Variants in FLG2 observed in about 807,000 individuals in gnomAD.
The protein encoded by FLG2 is filaggrin 2.
A neutral mutation model predicts 3.9 loss-of-function variants in FLG2; 7 were observed. The observed-to-expected ratio is 1.79, with a 90% CI of 1.02 to 3.36. The LOEUF (loss-of-function observed/expected upper bound fraction) is 3.36, where lower values mean the gene tolerates loss of function less well. Ranked by LOEUF, FLG2 falls within the 30% of genes most tolerant of loss-of-function variation. FLG2 has a pLI of 0.00. For synonymous variants in FLG2, 1,031 were observed against 1,056.1 expected, an observed-to-expected ratio of 0.98 and a Z score of 0.46; for missense variants, 2,700 against 2,809.4, an observed-to-expected ratio of 0.96 and a Z score of 0.88.
rs868110013 is a variant in FLG2, at chr1:152,354,893, C to A, written c.2893G>T (p.Gly965Ter). The A allele has an allele frequency of 6.2e-7, 1 of 1,613,768 alleles. No individual in the cohort carries two copies. The change falls in exon 3 of 3, where the codon GGA becomes TGA. Residue 965 changes from glycine (G) to a stop codon, truncating the protein, a stop_gained. Transcript: ENST00000388718. LOFTEE classifies it low-confidence loss of function (END_TRUNC). Reference sequence around the variant, plus strand: ...CCAGAGGACTGACCTGAGCCTGATCCATGTTGGCCAAAGCCAGAGGATTGA... The same window carrying A: ...CCAGAGGACTGACCTGAGCCTGATCAATGTTGGCCAAAGCCAGAGGATTGA... Reference protein sequence around the residue: ...SGQSSGFGQHGSGSGQSSGFG... With the variant: ...SGQSSGFGQH
rs749523871 is a variant in FLG2 at position 152,353,633 on chromosome 1, G to A, written c.4153C>T (p.His1385Tyr). Residue 1385 changes from histidine to tyrosine, a missense_variant, in exon 3 of 3, where the codon CAT becomes TAT. By Grantham distance (83) the His-to-Tyr change is moderately conservative (BLOSUM62 2). Transcript: ENST00000388718. Reference protein sequence around the residue: ...SQHGESESTVHERHETTYGQT... With the variant: ...SQHGESESTVYERHETTYGQT... ...CCATAAGTAGTTTCATGTCTCTCAT[G>A]AACTGTGGATTCTGACTCTCCATGT... 1.2e-6 allele frequency: 2 copies of A among 1,613,898 alleles called. No individual in the cohort carries two copies. The highest frequency in any genetic ancestry group is 8.5e-7 in the Non-Finnish European group (1 of 1,180,018).
rs1335017206 is a variant in FLG2 at position 152,359,980 on chromosome 1, G to A, written c.-47C>T. 6.6e-6 allele frequency: 1 copy of A among 152,174 alleles called. No individual in the cohort carries two copies. The highest frequency in any genetic ancestry group is 1.5e-5 in the Non-Finnish European group (1 of 68,036). The allele number at this position is 152,174 out of a possible 1,614,324, so 9.4% of individuals were successfully genotyped here. A position where few individuals can be genotyped will look rare whatever the true frequency, so the allele number is the denominator to read the frequency against. On this transcript the variant is annotated 5_prime_UTR_variant, in exon 1 of 3. Coordinates refer to ENST00000388718, the MANE Select transcript of FLG2 (RefSeq NM_001014342.3). ...CCTGGTTCACCAAAGGAACAAGTAG[G>A]ATAAAGCCTGATGCAGCTTGCAGGG...
rs2101676785 is a variant in FLG2 at position 152,352,829 on chromosome 1, G to T, written c.4957C>A (p.His1653Asn). ...ACTTCACTGTCACTGGACTCACTGTGGCTAGATCTCTGTCTTCCAGTTGTC... is the reference window on the plus strand; with the variant it reads ...ACTTCACTGTCACTGGACTCACTGTTGCTAGATCTCTGTCTTCCAGTTGTC... ...SRTTGRQRSS[H>N]SESSDSEVHS... The change falls in exon 3 of 3, where the codon CAC (histidine) becomes AAC (asparagine). Residue 1653 changes from histidine (H) to asparagine (N), a missense_variant. Transcript: ENST00000388718. 3 of 1,613,786 alleles carry T rather than the reference G, an allele frequency of 1.9e-6. No individual in the cohort carries two copies. Among genetic ancestry groups the T allele is most frequent in the East Asian group, 4.5e-5 (2 of 44,826 alleles).
chr1:152,353,383 G>A lies in FLG2; in HGVS notation c.4403C>T (p.Thr1468Ile), dbSNP rs762874040. 22 of 1,613,080 alleles carry A rather than the reference G, an allele frequency of 1.4e-5. No homozygotes were observed. The Admixed American group carries it at 2.2e-4, about 16-fold the overall frequency. Residue 1468 changes from threonine to isoleucine, a missense_variant, in exon 3 of 3, where the codon ACT (threonine) becomes ATT (isoleucine). Coordinates refer to ENST00000388718, the MANE Select transcript of FLG2 (RefSeq NM_001014342.3). ...GSTVHGRHGT[T>I]HGQTGDTTRH... Reference sequence around the variant, plus strand: ...AGTGGTATCTCCTGTCTGTCCATGAGTAGTTCCGTGTCTCCCATGAACTGT... The same window carrying A: ...AGTGGTATCTCCTGTCTGTCCATGAATAGTTCCGTGTCTCCCATGAACTGT...
At position 152,355,318 on chromosome 1, in the gene FLG2, T is replaced by C. The variant is rs1654167904; in HGVS notation, c.2468A>G (p.His823Arg). ...AGAGGATTGTCCTGAGCCAGACCCATGTTGTCCAAAGCCAGCGGACTGACC... is the reference window on the plus strand; with the variant it reads ...AGAGGATTGTCCTGAGCCAGACCCACGTTGTCCAAAGCCAGCGGACTGACC... ...GSGQSAGFGQ[H>R]GSGSGQSSGF... is the part of the protein sequence containing the mutation. The change falls in exon 3 of 3, where the codon CAT becomes CGT. Residue 823 changes from histidine (H) to arginine (R), a missense_variant. His to Arg is a conservative substitution (Grantham distance 29). Coordinates refer to ENST00000388718, the MANE Select transcript of FLG2 (RefSeq NM_001014342.3). 6.2e-7 allele frequency: 1 copy of C among 1,613,840 alleles called. No homozygotes were observed. The highest frequency in any genetic ancestry group is 8.5e-7 in the Non-Finnish European group (1 of 1,179,872).
At chr1:152,358,025 CTTTT>C (rs5777805) in intron 2 of FLG2, among the ~76,000 whole-genome samples, 1 of 144,566 alleles carries the variant, frequency 6.9e-6, no homozygotes, top group Non-Finnish European at 1.5e-5. Flanking sequence ...ATAACTGAGT[CTTTT>C]TTTTTTTTTT....
rs1192001947 is a variant in FLG2 at position 152,349,701 on chromosome 1, C to A, written c.*909G>T. 1 of 152,586 alleles carries A rather than the reference C, an allele frequency of 6.6e-6. No homozygotes were observed. Among genetic ancestry groups the A allele is most frequent in the African/African-American group, 2.4e-5 (1 of 41,448 alleles). The allele number at this position is 152,586 out of a possible 1,614,324, so 9.5% of individuals were successfully genotyped here. On this transcript the variant is annotated 3_prime_UTR_variant, in exon 3 of 3. Transcript: ENST00000388718. ...AAGTAATAACTCCTTTGTTCTTGGA[C>A]ATATTCATAGAGTGGGGTGTTGCTA...
chr1:152,350,389 G>T lies in FLG2; in HGVS notation c.*221C>A. 1 of 604,776 alleles carries T rather than the reference G, an allele frequency of 1.7e-6. No homozygotes were observed. The highest frequency in any genetic ancestry group is 2.8e-6 in the Non-Finnish European group (1 of 354,154). The allele number at this position is 604,776 out of a possible 1,614,324, so 37.5% of individuals were successfully genotyped here. ...ATGTGTACATCCCTCCCTTCTGGCT[G>T]TGTTATATCCAGGTTGAACATAGGT... is the stretch of plus-strand genomic sequence containing the variant. On this transcript the variant is annotated 3_prime_UTR_variant, in exon 3 of 3. Transcript: ENST00000388718.
chr1:152,352,803 C>G lies in FLG2; in HGVS notation c.4983G>C (p.Val1661=). 1 of 1,613,948 alleles carries G rather than the reference C, an allele frequency of 6.2e-7. No individual in the cohort carries two copies. The highest frequency in any genetic ancestry group is 1.1e-5 in the South Asian group (1 of 91,076). Residue 1661 remains valine, a synonymous_variant, in exon 3 of 3, where the codon GTG becomes GTC. Coordinates refer to ENST00000388718, the MANE Select transcript of FLG2 (RefSeq NM_001014342.3). ...SSHSESSDSE[V]HSGVSHTHTG... ...TATGTGTGTGTGAGACCCCTGAGTG[C>G]ACTTCACTGTCACTGGACTCACTGT...
intron 1 of FLG2, among the ~76,000 whole-genome samples, 184 bp downstream of exon 1, chr1:152,359,772 G>T (rs746712857): frequency 2.0e-5 from 3 of 151,818 alleles, no homozygotes; most frequent in Non-Finnish European, 4.4e-5. Flanking sequence ...CTACAAAAAG[G>T]CCCCAGAATA....
In FLG2 at chr1:152,356,480, A is replaced by T. The variant is rs200016086; in HGVS notation, c.1306T>A (p.Leu436Met). 3.0e-5 allele frequency: 48 copies of T among 1,614,268 alleles called. No individual in the cohort carries two copies. In the East Asian group the frequency reaches 8.2e-4, roughly 28 times the overall value. Residue 436 changes from leucine (L) to methionine (M), a missense_variant, in exon 3 of 3, where the codon TTG becomes ATG. By Grantham distance (15) the Leu-to-Met change is conservative. Transcript: ENST00000388718. ...STSFEQHGTG[L>M]SQSSGFEQHV... ...TGTTCGAACCCAGAGGACTGACTCA[A>T]GCCTGTTCCATGTTGTTCAAAGCTA... is the stretch of plus-strand genomic sequence containing the variant.
Position 152,356,744 on chromosome 1 carries a change from G to GACT in FLG2, c.1039_1041dup (p.Ser347dup). On this transcript the variant is annotated inframe_insertion, in exon 3 of 3. Coordinates refer to ENST00000388718, the MANE Select transcript of FLG2 (RefSeq NM_001014342.3). ...CCATATCCTCTCTGACTATAGGACT[G>GACT]ACTACAGGGGTTAGACTCAGGTTGA... 6.2e-7 allele frequency: 1 copy of GACT among 1,614,126 alleles called. No homozygotes were observed. The highest frequency in any genetic ancestry group is 8.5e-7 in the Non-Finnish European group (1 of 1,180,028).
rs768648431 is a variant in FLG2 at position 152,357,164 on chromosome 1, T to C, written c.622A>G (p.Ile208Val). 5.0e-6 allele frequency: 8 copies of C among 1,614,228 alleles called. No individual in the cohort carries two copies. The South Asian group carries it at 6.6e-5, about 13-fold the overall frequency. ...GSSSVELRERINKSHISPSRE... is the reference protein window; with the variant it reads ...GSSSVELRERVNKSHISPSRE... ...GAAGGGCTAATGTGTGACTTGTTTA[T>C]TCTTTCTCTCAGTTCTACAGAGCTG... Residue 208 changes from isoleucine to valine, a missense_variant, in exon 3 of 3, where the codon ATA (isoleucine) becomes GTA (valine). By Grantham distance (29) the Ile-to-Val change is conservative. Transcript: ENST00000388718.
chr1:152,357,770 G>T, intron 2 of FLG2, 123 bp from the exon 3 acceptor site: 1 of 694,946 alleles, frequency 1.4e-6, no homozygotes, highest in Non-Finnish European at 2.4e-6. Flanking sequence ...TCCAATAAAG[G>T]ATTACTTTAG....
chr1:152,353,279 C>T lies in FLG2; in HGVS notation c.4507G>A (p.Glu1503Lys). The change falls in exon 3 of 3, where the codon GAG becomes AAG. Residue 1503 changes from glutamate to lysine, a missense_variant. By Grantham distance (56) the Glu-to-Lys change is moderately conservative. Coordinates refer to ENST00000388718, the MANE Select transcript of FLG2 (RefSeq NM_001014342.3). ...TTGRRGSGHS[E>K]SSDSEVHSGG... ...GAGTGCACTTCACTGTCACTGGACTCACTGTGGCCAGATCCCCTTCTTCCA... is the reference window on the plus strand; with the variant it reads ...GAGTGCACTTCACTGTCACTGGACTTACTGTGGCCAGATCCCCTTCTTCCA... The T allele has an allele frequency of 6.4e-7, 1 of 1,568,490 alleles. No homozygotes were observed. Among genetic ancestry groups the T allele is most frequent in the Non-Finnish European group, 8.6e-7 (1 of 1,156,406 alleles).
In FLG2 at chr1:152,358,745, A is replaced by C. The variant is rs1316971024; in HGVS notation, c.138+2T>G. On this transcript the variant is annotated splice_donor_variant, in intron 2 of 2. Coordinates refer to ENST00000388718, the MANE Select transcript of FLG2 (RefSeq NM_001014342.3). LOFTEE classifies it high-confidence loss of function. ...CCTTCAGTTCTGGCACATGGCTCTC[A>C]CCTTCAGAACTGGATGAAGCTCTTT... is the stretch of plus-strand genomic sequence containing the variant. 14 of 1,612,116 alleles carry C rather than the reference A, an allele frequency of 8.7e-6. No individual in the cohort carries two copies. The highest frequency in any genetic ancestry group is 1.2e-5 in the Non-Finnish European group (14 of 1,179,256).
chr1:152,350,381 T>C lies in FLG2; in HGVS notation c.*229A>G, dbSNP rs1046983238. ...GACTGGCTATGTGTACATCCCTCCCTTCTGGCTGTGTTATATCCAGGTTGA... is the reference window on the plus strand; with the variant it reads ...GACTGGCTATGTGTACATCCCTCCCCTCTGGCTGTGTTATATCCAGGTTGA... On this transcript the variant is annotated 3_prime_UTR_variant, in exon 3 of 3. Coordinates refer to ENST00000388718, the MANE Select transcript of FLG2 (RefSeq NM_001014342.3). 3 of 589,530 alleles carry C rather than the reference T, an allele frequency of 5.1e-6. No homozygotes were observed. The highest frequency in any genetic ancestry group is 8.8e-6 in the Non-Finnish European group (3 of 342,144). 36.5% of individuals were successfully genotyped at this position (589,530 alleles called of 1,614,324 possible). A position where few individuals can be genotyped will look rare whatever the true frequency, so the allele number is the denominator to read the frequency against.
At position 152,355,478 on chromosome 1, in the gene FLG2, A is replaced by G; in HGVS notation, c.2308T>C (p.Tyr770His). The G allele has an allele frequency of 2.5e-6, 4 of 1,612,332 alleles. No individual in the cohort carries two copies. Among genetic ancestry groups the G allele is most frequent in the Non-Finnish European group, 3.4e-6 (4 of 1,179,734 alleles). ...CTTGAGCCAGAACTGTGTTGGCCAT[A>G]GCTAGACTGACCTGATCTAGACTCA... ...QHESRSGQSS[Y>H]GQHSSGSSQS... The change falls in exon 3 of 3, where the codon TAT becomes CAT. Residue 770 changes from tyrosine (Y) to histidine (H), a missense_variant. Tyr to His is a moderately conservative substitution (Grantham distance 83). Transcript: ENST00000388718.
rs777546723 is a variant in FLG2 at position 152,353,426 on chromosome 1, G to C, written c.4360C>G (p.His1454Asp). The C allele has an allele frequency of 9.3e-6, 15 of 1,612,004 alleles. No individual in the cohort carries two copies. Among genetic ancestry groups the C allele is most frequent in the Non-Finnish European group, 1.3e-5 (15 of 1,179,560 alleles). The part of the protein sequence containing the change: ...EQTHGQAGSQ[H>D]GESGSTVHGR... Reference sequence around the variant, plus strand: ...TGAACTGTGGATCCTGACTCTCCATGTTGAGATCCGGCTTGGCCATGAGTT... The same window carrying C: ...TGAACTGTGGATCCTGACTCTCCATCTTGAGATCCGGCTTGGCCATGAGTT... Residue 1454 changes from histidine (H) to aspartate (D), a missense_variant, in exon 3 of 3, where the codon CAT becomes GAT. Coordinates refer to ENST00000388718, the MANE Select transcript of FLG2 (RefSeq NM_001014342.3).
Sources: allele counts gnomAD v4.1 joint callset (sites outside exome capture counted in the v4.1 genomes callset), GRCh38; gene constraint gnomAD v4.1.1; transcripts MANE v1.5; gene names NCBI Gene and HGNC (gene_info 2026-07-23, HGNC 2026-07-21).